Variants in SHPRH observed in about 807,000 individuals in gnomAD.
The protein encoded by SHPRH is E3 ubiquitin-protein ligase SHPRH.
A neutral mutation model predicts 202.5 loss-of-function variants in SHPRH; 106 were observed. The ratio of observed to expected loss-of-function variants is 0.52; its 90% CI spans 0.45 to 0.62. SHPRH has a LOEUF of 0.62. Ranked by LOEUF, SHPRH falls within the 20% of genes least tolerant of loss-of-function variation. The pLI, the probability that SHPRH is intolerant of heterozygous loss-of-function variation, is 0.00. For missense variants in SHPRH, 1,710 were observed against 2,020.0 expected, an observed-to-expected ratio of 0.85 and a Z score of 2.94; for synonymous variants, 729 against 686.0, an observed-to-expected ratio of 1.06 and a Z score of -0.98.
At chr6:145,905,737 G>A (rs921258809) in intron 25 of SHPRH, 2 of 152,000 alleles carry the variant, frequency 1.3e-5, no homozygotes, top group African/African-American at 4.8e-5. Flanking sequence ...TATATCCACA[G>A]ATACACAGGG....
At chr6:145,962,542 G>A (rs1789200564) in intron 1 of SHPRH, among the ~76,000 whole-genome samples, 2 of 152,186 alleles carry the variant, frequency 1.3e-5, no homozygotes, top group East Asian at 1.9e-4. Flanking sequence ...AAACAAGGAT[G>A]GAATGCTAGA....
intron 28 of SHPRH, among the ~76,000 whole-genome samples, chr6:145,888,916 T>G (rs747205086): frequency 6.6e-6 from 1 of 152,104 alleles, no homozygotes; most frequent in Admixed American, 6.6e-5. Flanking sequence ...AAGAAAAATA[T>G]AGAAGAGTCC....
chr6:145,932,029 TACTTTG>T (rs1187468712), intron 14 of SHPRH, among the ~76,000 whole-genome samples: 2 of 152,054 alleles, frequency 1.3e-5, no homozygotes, highest in Non-Finnish European at 2.9e-5. Flanking sequence ...TGCTATTCTA[TACTTTG>T]ACTTTATTGA....
intron 25 of SHPRH, among the ~76,000 whole-genome samples, chr6:145,898,514 C>G (rs1242763468): frequency 6.6e-6 from 1 of 151,908 alleles, no homozygotes; most frequent in Non-Finnish European, 1.5e-5. Context: ...AATTTGATAC[C>G]CAGCGTGGAG....
chr6:145,879,884 C>T (rs542069782), downstream of SHPRH, among the ~76,000 whole-genome samples: 5 of 139,190 alleles, frequency 3.6e-5, no homozygotes, highest in East Asian at 1.0e-3. Flanking sequence ...TGCACTCCAG[C>T]CTGGGTAACG....
Position 145,893,407 on chromosome 6 carries a change from G to T in SHPRH, c.4696-14C>A. 1 of 1,568,602 alleles carries T rather than the reference G, an allele frequency of 6.4e-7. No homozygotes were observed. Among genetic ancestry groups the T allele is most frequent in the Non-Finnish European group, 8.6e-7 (1 of 1,162,414 alleles). On this transcript the variant is annotated splice_polypyrimidine_tract_variant and intron_variant, in intron 27 of 29. Transcript: ENST00000275233. ...TGAAAGGTTCTCCTAAAAAAGAAAG[G>T]TACATTTTAATTTTAGCTCGATCAG...
rs1398936641 is a variant in SHPRH at position 145,955,258 on chromosome 6, T to A, written c.65A>T (p.His22Leu). The change falls in exon 2 of 30, where the codon CAT (histidine) becomes CTT (leucine). Residue 22 changes from histidine (H) to leucine (L), a missense_variant. His to Leu is a moderately conservative substitution (Grantham distance 99). Coordinates refer to ENST00000275233, the MANE Select transcript of SHPRH (RefSeq NM_001042683.3). ...CCTTCTGTCCTCATGCATATTCCAATGAAGCTGCTGCCTCTTTTCCTCATC... is the reference window on the plus strand; with the variant it reads ...CCTTCTGTCCTCATGCATATTCCAAAGAAGCTGCTGCCTCTTTTCCTCATC... ...RVDEEKRQQL[H>L]WNMHEDRRNE... 3 of 1,612,448 alleles carry A rather than the reference T, an allele frequency of 1.9e-6. No individual in the cohort carries two copies. The highest frequency in any genetic ancestry group is 2.5e-6 in the Non-Finnish European group (3 of 1,179,856).
chr6:145,958,627 A>T (rs996392908), intron 1 of SHPRH, among the ~76,000 whole-genome samples: 5 of 152,172 alleles, frequency 3.3e-5, no homozygotes, highest in Admixed American at 2.6e-4. Context: ...ACCTCCAAGG[A>T]AGTAGTTTCT....
Position 145,946,346 on chromosome 6 carries a change from T to C in SHPRH, c.1213-5A>G. 1.3e-6 allele frequency: 2 copies of C among 1,597,862 alleles called. No individual in the cohort carries two copies. The highest frequency in any genetic ancestry group is 2.2e-5 in the South Asian group (2 of 89,472). ...AAAATAATTCACCACTTTTCCCTGA[T>C]ACAAACAACAGTCAGTAGTTACACA... On this transcript the variant is annotated splice_region_variant and splice_polypyrimidine_tract_variant and intron_variant, in intron 6 of 29. Coordinates refer to ENST00000275233, the MANE Select transcript of SHPRH (RefSeq NM_001042683.3).
At chr6:145,933,523 T>A (rs1464173654) in intron 13 of SHPRH, among the ~76,000 whole-genome samples, 2 of 152,170 alleles carry the variant, frequency 1.3e-5, no homozygotes, top group Non-Finnish European at 2.9e-5. Flanking sequence ...AAAACCTCTT[T>A]GAGCCTGAAT....
intron 25 of SHPRH, among the ~76,000 whole-genome samples, chr6:145,897,004 A>G (rs1782068054): frequency 6.6e-6 from 1 of 151,964 alleles, no homozygotes; most frequent in South Asian, 2.1e-4. Context: ...AAAGAAGAGC[A>G]AAGTAAGCCG....
chr6:145,922,908 A>T, intron 18 of SHPRH, 72 bp from the exon 19 acceptor site: 3 of 1,437,634 alleles, frequency 2.1e-6, no homozygotes, highest in Non-Finnish European at 1.8e-6. Context: ...AATTCAGAGA[A>T]TGGTTGCCAA....
intron 28 of SHPRH, among the ~76,000 whole-genome samples, chr6:145,890,970 C>T (rs1286562956): frequency 1.3e-5 from 2 of 152,160 alleles, no homozygotes; most frequent in Non-Finnish European, 2.9e-5. Context: ...ACCTTCAGCT[C>T]TCACCAGGAT....
At chr6:145,933,023 TGAAA>T in intron 14 of SHPRH, 30 bp downstream of exon 14, 1 of 1,601,652 alleles carries the variant, frequency 6.2e-7, no homozygotes, top group Non-Finnish European at 8.5e-7. Context: ...AGGAAGTGTT[TGAAA>T]GAATCAGAGA....
intron 28 of SHPRH, among the ~76,000 whole-genome samples, chr6:145,889,990 T>A (rs1781442087): frequency 6.6e-6 from 1 of 152,228 alleles, no homozygotes. Context: ...TCTTGCCTAC[T>A]CAAGGACATT....
intron 2 of SHPRH, among the ~76,000 whole-genome samples, chr6:145,878,477 T>C (rs965772386): frequency 2.6e-5 from 4 of 152,254 alleles, no homozygotes; most frequent in African/African-American, 7.2e-5. Flanking sequence ...AACCTTCATA[T>C]TTCGGTTTTG....
At position 145,927,177 on chromosome 6, in the gene SHPRH, G is replaced by C. The variant is rs2128755068; in HGVS notation, c.3201+12C>G. The C allele has an allele frequency of 6.2e-7, 1 of 1,608,200 alleles. No homozygotes were observed. Among genetic ancestry groups the C allele is most frequent in the Non-Finnish European group, 8.5e-7 (1 of 1,175,904 alleles). On this transcript the variant is annotated intron_variant, in intron 15 of 29. Coordinates refer to ENST00000275233, the MANE Select transcript of SHPRH (RefSeq NM_001042683.3). ...AACAGAATACCTATGAAACTGTTTA[G>C]TCTTTACTTACTTGAAGTGAATCAG...
At chr6:145,959,128 C>T (rs1257383313) in intron 1 of SHPRH, among the ~76,000 whole-genome samples, 1 of 152,166 alleles carries the variant, frequency 6.6e-6, no homozygotes, top group Admixed American at 6.5e-5. Flanking sequence ...AGCCACCGCG[C>T]CTAGCCGCAT....
Position 145,873,706 on chromosome 6 carries a change from A to AG in SHPRH, c.222-9216dup. ...TAACAGTTGCTAGAGGAAGGAAGGA[A>AG]GGAAGGAAGGGAGGGAGGGAGGGAG... On this transcript the variant is annotated intron_variant, in intron 2 of 2. Coordinates refer to the SHPRH transcript ENST00000417762. Among the ~76,000 whole-genome samples the AG allele has an allele frequency of 2.5e-5, 3 of 118,538 alleles. 1 individual carries two copies. The highest frequency in any genetic ancestry group is 1.0e-4 in the African/African-American group (3 of 29,634). The allele number at this position is 118,538 out of a possible 152,430, so 77.8% of individuals were successfully genotyped here.
Sources: gnomAD v4.1 joint callset for allele counts (sites outside exome capture counted in the v4.1 genomes callset) on GRCh38, gnomAD v4.1.1 for gene constraint, MANE v1.5 for transcripts, NCBI Gene and HGNC (gene_info 2026-07-23, HGNC 2026-07-21) for gene names.